Variants in SV2B observed in about 807,000 individuals in gnomAD.
SV2B encodes synaptic vesicle glycoprotein 2B.
SV2B carries 41 observed loss-of-function variants against 73.9 expected under a neutral mutation model. The ratio of observed to expected loss-of-function variants is 0.56; its 90% CI spans 0.43 to 0.72. The LOEUF (loss-of-function observed/expected upper bound fraction) is 0.72. Ranked by LOEUF, SV2B falls within the 30% of genes least tolerant of loss-of-function variation. The pLI is 0.00. For missense variants in SV2B, 764 were observed against 857.8 expected, an observed-to-expected ratio of 0.89 and a Z score of 1.37; for synonymous variants, 314 against 314.2, an observed-to-expected ratio of 1.00 and a Z score of 0.01.
At chr15:91,246,496 G>C (rs1346189621) in intron 2 of SV2B, among the ~76,000 whole-genome samples, 3 of 152,136 alleles carry the variant, frequency 2.0e-5, no homozygotes, top group Admixed American at 1.3e-4. Flanking sequence ...ATGTAATAGT[G>C]GTCAGAGAGG....
At position 91,140,321 on chromosome 15, in the gene SV2B, T is replaced by A. The variant is rs72764733; in HGVS notation, c.-392+39958T>A. Among the ~76,000 whole-genome samples the A allele has an allele frequency of 0.089, 13,606 of 152,272 alleles. 756 individuals are homozygous for A. The highest frequency in any genetic ancestry group is 0.12 in the Non-Finnish European group (8,393 of 68,010). On this transcript the variant is annotated intron_variant, in intron 1 of 12. Coordinates refer to ENST00000394232, the MANE Select transcript of SV2B (RefSeq NM_001323032.3). The surrounding 1 kb of genome is among the most constrained non-coding windows in gnomAD (Gnocchi z 4.4). ...TATAAATAAAGTCTAATAAAAGTCA[T>A]TCATCAATTATCCATTAAGAAGGAT...
intron 4 of SV2B, among the ~76,000 whole-genome samples, chr15:91,257,050 C>G (rs2047722447): frequency 6.6e-6 from 1 of 152,162 alleles, no homozygotes. Context: ...TTCACAAATA[C>G]CATTTGAATT....
chr15:91,183,468 C>T (rs2044660183), intron 1 of SV2B, among the ~76,000 whole-genome samples: 1 of 152,210 alleles, frequency 6.6e-6, no homozygotes, highest in East Asian at 1.9e-4. Context: ...GCTTCAGTTG[C>T]ATTTACATCT....
rs1257289743 is a variant in SV2B, at chr15:91,110,628, C to T, written c.-392+10265C>T. Among the ~76,000 whole-genome samples the T allele has an allele frequency of 2.0e-5, 3 of 152,148 alleles. No individual in the cohort carries two copies. Among genetic ancestry groups the T allele is most frequent in the African/African-American group, 4.8e-5 (2 of 41,414 alleles). On this transcript the variant is annotated intron_variant, in intron 1 of 12. Transcript: ENST00000394232. The surrounding 1 kb of genome is among the most constrained non-coding windows in gnomAD (Gnocchi z 5.4). ...CCCAGCTGGCACGTGGGAGGCTCTG[C>T]GGGAGAGGAAGAGGCACCGTGGGGT...
Position 91,139,380 on chromosome 15 carries a change from A to G in SV2B, c.-392+39017A>G, listed in dbSNP as rs1052249829. On this transcript the variant is annotated intron_variant, in intron 1 of 12. Coordinates refer to ENST00000394232, the MANE Select transcript of SV2B (RefSeq NM_001323032.3). The surrounding 1 kb of genome is among the most constrained non-coding windows in gnomAD (Gnocchi z 5.2). ...AAGAAGTAAGGGAAACTTCCAAGGA[A>G]CCTCTCTCTAACCCTAAATAACAAC... 3.3e-5 allele frequency among the ~76,000 whole-genome samples: 5 copies of G among 152,110 alleles called. No homozygotes were observed. Among genetic ancestry groups the G allele is most frequent in the Non-Finnish European group, 5.9e-5 (4 of 68,012 alleles).
At chr15:91,151,315 C>T (rs546695406) in intron 1 of SV2B, among the ~76,000 whole-genome samples, 1 of 152,324 alleles carries the variant, frequency 6.6e-6, no homozygotes, top group African/African-American at 2.4e-5. Context: ...AGTTAAACTG[C>T]AGCTTTATAA....
At chr15:91,163,644 T>G (rs1324560237) in intron 1 of SV2B, among the ~76,000 whole-genome samples, 1 of 152,194 alleles carries the variant, frequency 6.6e-6, no homozygotes, top group Non-Finnish European at 1.5e-5. Flanking sequence ...GTTTAAGTTC[T>G]TTGTAGATTC....
intron 1 of SV2B, among the ~76,000 whole-genome samples, chr15:91,127,265 G>A (rs1025683585): frequency 5.3e-5 from 8 of 152,188 alleles, no homozygotes; most frequent in African/African-American, 1.9e-4. Flanking sequence ...TCAGAGAAAA[G>A]AGAAGGGTGT....
At position 91,252,072 on chromosome 15, in the gene SV2B, G is replaced by C; in HGVS notation, c.632+73G>C. On this transcript the variant is annotated intron_variant, in intron 3 of 12. Coordinates refer to ENST00000394232, the MANE Select transcript of SV2B (RefSeq NM_001323032.3). The surrounding 1 kb of genome is among the most constrained non-coding windows in gnomAD (Gnocchi z 4.6). ...ATCCATTCTGGTATTCTAGCTCCAAGAGGTAACTCTAGAAACCCTTGGACT... is the reference window on the plus strand; with the variant it reads ...ATCCATTCTGGTATTCTAGCTCCAACAGGTAACTCTAGAAACCCTTGGACT... 1 of 1,555,676 alleles carries C rather than the reference G, an allele frequency of 6.4e-7. No individual in the cohort carries two copies. The highest frequency in any genetic ancestry group is 8.7e-7 in the Non-Finnish European group (1 of 1,147,620).
chr15:91,280,841 T>TTTCC lies in SV2B; in HGVS notation c.1374-884_1374-883insCTTC, dbSNP rs2048660840. ...CATTGTGCCTCCCTGGAAACAACCG[T>TTTCC]TTCTATCAGTTTCTTGTGTAGCTCT... On this transcript the variant is annotated intron_variant, in intron 9 of 12. Transcript: ENST00000394232. This position sits in a 1 kb window ranked among gnomAD's most constrained non-coding sequence, Gnocchi z 5.8. 6.6e-6 allele frequency among the ~76,000 whole-genome samples: 1 copy of TTTCC among 152,246 alleles called. No homozygotes were observed.
intron 1 of SV2B, among the ~76,000 whole-genome samples, chr15:91,125,185 T>C (rs1051174800): frequency 1.3e-5 from 2 of 152,200 alleles, no homozygotes; most frequent in African/African-American, 2.4e-5. Context: ...AAAGGTCTCA[T>C]TGTAACATAA....
At chr15:91,260,540 T>G in intron 6 of SV2B, 131 bp downstream of exon 6, 1 of 604,800 alleles carries the variant, frequency 1.7e-6, no homozygotes, top group Non-Finnish European at 2.7e-6. Context: ...TTGCTGTTAC[T>G]TTATAATAAT....
rs2041870619 is a variant in SV2B at position 91,105,952 on chromosome 15, G to A, written c.-392+5589G>A. ...TAGCCCTAGCTACTCGGGAGTCTGA[G>A]GTGGGAGGATCACCTGAGCCTGGGG... is the stretch of plus-strand genomic sequence containing the variant. On this transcript the variant is annotated intron_variant, in intron 1 of 12. Transcript: ENST00000394232. The surrounding 1 kb of genome is among the most constrained non-coding windows in gnomAD (Gnocchi z 5.5). Among the ~76,000 whole-genome samples, 1 of 152,162 alleles carries A rather than the reference G, an allele frequency of 6.6e-6. No individual in the cohort carries two copies. Among genetic ancestry groups the A allele is most frequent in the African/African-American group, 2.4e-5 (1 of 41,430 alleles).
Position 91,128,444 on chromosome 15 carries a change from C to A in SV2B, c.-392+28081C>A, listed in dbSNP as rs544215785. 3.9e-5 allele frequency among the ~76,000 whole-genome samples: 6 copies of A among 152,296 alleles called. No individual in the cohort carries two copies. The highest frequency in any genetic ancestry group is 1.2e-4 in the African/African-American group (5 of 41,554). The stretch of plus-strand genomic sequence containing the variant: ...ACCCTCACCTGGCTGAATATGAGAT[C>A]CCTACATTGCTATTGGCGCTCAGAA... On this transcript the variant is annotated intron_variant, in intron 1 of 12. Transcript: ENST00000394232. The surrounding 1 kb of genome is among the most constrained non-coding windows in gnomAD (Gnocchi z 4.2).
At chr15:91,285,461 A>T (rs11857061) in intron 11 of SV2B, among the ~76,000 whole-genome samples, 25,537 of 152,172 alleles carry the variant, frequency 0.17, 3,037 homozygotes, top group African/African-American at 0.33. Flanking sequence ...TCAGAACGGA[A>T]GAAGATGGCC....
rs1247316577 is a variant in SV2B at position 91,300,171 on chromosome 15, C to T, written c.*7619C>T. 1 of 152,116 alleles carries T rather than the reference C, an allele frequency of 6.6e-6. No individual in the cohort carries two copies. Among genetic ancestry groups the T allele is most frequent in the Non-Finnish European group, 1.5e-5 (1 of 68,018 alleles). 9.4% of individuals were successfully genotyped at this position (152,116 alleles called of 1,614,324 possible). A position where few individuals can be genotyped will look rare whatever the true frequency, so the allele number is the denominator to read the frequency against. ...AGTAGTTAGAGATTTGGCAGTTTTG[C>T]CACATTTCAAATGGGCCAAACATTA... On this transcript the variant is annotated 3_prime_UTR_variant, in exon 13 of 13. Coordinates refer to ENST00000394232, the MANE Select transcript of SV2B (RefSeq NM_001323032.3).
rs528279430 is a variant in SV2B at position 91,276,805 on chromosome 15, G to GTTGTTATTATTATTATTA, written c.1374-4921_1374-4920insGTTATTATTATTATTATT. On this transcript the variant is annotated intron_variant, in intron 9 of 12. Coordinates refer to ENST00000394232, the MANE Select transcript of SV2B (RefSeq NM_001323032.3). ...TTCCAGTATTTATATTATTGTTGTT[G>GTTGTTATTATTATTATTA]TTATTATTATTATTATTATTATTAT... 3.6e-3 allele frequency among the ~76,000 whole-genome samples: 329 copies of GTTGTTATTATTATTATTA among 92,114 alleles called. 2 individuals are homozygous for GTTGTTATTATTATTATTA. The highest frequency in any genetic ancestry group is 0.018 in the East Asian group (86 of 4,766). The allele number at this position is 92,114 out of a possible 152,430, so 60.4% of individuals were successfully genotyped here. A position where few individuals can be genotyped will look rare whatever the true frequency, so the allele number is the denominator to read the frequency against.
chr15:91,160,991 A>G (rs1567302636), intron 1 of SV2B, among the ~76,000 whole-genome samples: 1 of 151,986 alleles, frequency 6.6e-6, no homozygotes, highest in South Asian at 2.1e-4. Context: ...AAAGAACAGA[A>G]CCACGGATGC....
upstream of SV2B, chr15:91,099,942 G>T (rs937819138): frequency 1.3e-5 from 2 of 152,292 alleles, no homozygotes; most frequent in Admixed American, 1.3e-4. Context: ...CGAGGAATAA[G>T]AAGTTTAATA....
Sources: gnomAD v4.1 joint callset for allele counts (sites outside exome capture counted in the v4.1 genomes callset) on GRCh38, gnomAD v4.1.1 for gene constraint, Gnocchi (gnomAD v3.1) non-coding constraint, MANE v1.5 for transcripts, NCBI Gene and HGNC (gene_info 2026-07-23, HGNC 2026-07-21) for gene names.